PASK: variants seen among roughly 807,000 people sequenced by gnomAD.
The protein encoded by PASK is PAS domain containing serine/threonine kinase.
PASK carries 110 observed loss-of-function variants against 121.0 expected under a neutral mutation model. The observed-to-expected ratio is 0.91, with a 90% confidence interval of 0.78 to 1.06. PASK has a LOEUF of 1.06. PASK is among the 50% of genes least tolerant of loss of function. The pLI is 0.00. For synonymous variants in PASK, 686 were observed against 717.8 expected (o/e 0.96, Z 0.71); for missense variants, 1,643 against 1,702.3 (o/e 0.97, Z 0.61).
At position 241,140,768 on chromosome 2, in the gene PASK, G is replaced by T; in HGVS notation, c.197-15C>A. The T allele has an allele frequency of 6.4e-7, 1 of 1,558,202 alleles. No individual in the cohort carries two copies. Among genetic ancestry groups the T allele is most frequent in the Non-Finnish European group, 8.9e-7 (1 of 1,129,636 alleles). Reference sequence around the variant, plus strand: ...CCATCTGTCTTCTGAAAAGAGAAGCGAAGCGAAGCTTTAGACTTCACACAG... The same window carrying T: ...CCATCTGTCTTCTGAAAAGAGAAGCTAAGCGAAGCTTTAGACTTCACACAG... On this transcript the variant is annotated splice_polypyrimidine_tract_variant and intron_variant, in intron 2 of 17. Transcript: ENST00000234040.
intron 2 of PASK, 95 bp from the exon 3 acceptor site, chr2:241,140,848 CCTG>C (rs1342386091): frequency 5.1e-6 from 4 of 782,790 alleles, no homozygotes; most frequent in Non-Finnish European, 9.0e-6. Context: ...GCCCTCAACT[CCTG>C]CAAAAAGATC....
intron 9 of PASK, among the ~76,000 whole-genome samples, chr2:241,132,415 G>A (rs2125439491): frequency 6.6e-6 from 1 of 150,824 alleles, no homozygotes; most frequent in Non-Finnish European, 1.5e-5. Flanking sequence ...TACTCGGGAG[G>A]CTGAGGCAGG....
rs903209709 is a variant in PASK at position 241,108,583 on chromosome 2, G to C, written c.3534-283C>G. 17 of 488,180 alleles carry C rather than the reference G, an allele frequency of 3.5e-5. No individual in the cohort carries two copies. Among genetic ancestry groups the C allele is most frequent in the South Asian group, 6.0e-5 (3 of 49,954 alleles). The allele number at this position is 488,180 out of a possible 1,614,324, so 30.2% of individuals were successfully genotyped here. Reference sequence around the variant, plus strand: ...CAACCACAAGACGTGTCTACCAGAGGGGGGAGCGGGGGGAGGGCTTCCTGG... The same window carrying C: ...CAACCACAAGACGTGTCTACCAGAGCGGGGAGCGGGGGGAGGGCTTCCTGG... On this transcript the variant is annotated intron_variant, in intron 15 of 17. Coordinates refer to ENST00000234040, the MANE Select transcript of PASK (RefSeq NM_015148.4). The surrounding 1 kb of genome is among the most constrained non-coding windows in gnomAD (Gnocchi z 5.2).
chr2:241,119,135 AGGT>A (rs2065493265), intron 12 of PASK, among the ~76,000 whole-genome samples: 1 of 152,258 alleles, frequency 6.6e-6, no homozygotes, highest in African/African-American at 2.4e-5. Context: ...CAGCACCTCT[AGGT>A]GTCTGCCTGA....
chr2:241,113,728 T>C (rs2065206820), intron 14 of PASK: 2 of 985,376 alleles, frequency 2.0e-6, no homozygotes, highest in Admixed American at 1.2e-4. Context: ...CTGCTCTTCC[T>C]GCAGATGCTT....
intron 15 of PASK, among the ~76,000 whole-genome samples, chr2:241,110,776 G>A (rs2065077920): frequency 6.6e-6 from 1 of 152,220 alleles, no homozygotes; most frequent in Non-Finnish European, 1.5e-5. Context: ...GACAACCACT[G>A]CAGGGCAGGC....
intron 3 of PASK, 53 bp from the exon 4 acceptor site, chr2:241,140,108 A>G (rs2066634105): frequency 1.4e-6 from 2 of 1,462,826 alleles, no homozygotes; most frequent in South Asian, 2.3e-5. Context: ...CAGCTCCACC[A>G]GCTGCCCAGA....
At chr2:241,145,211 C>CCG (rs2066898787) in intron 1 of PASK, among the ~76,000 whole-genome samples, 2 of 152,238 alleles carry the variant, frequency 1.3e-5, no homozygotes, top group South Asian at 4.1e-4. Flanking sequence ...CCGCGCCCGG[C>CCG]CGACTTCTCC....
intron 9 of PASK, among the ~76,000 whole-genome samples, chr2:241,129,426 A>G (rs986526926): frequency 1.3e-5 from 2 of 152,198 alleles, no homozygotes; most frequent in African/African-American, 4.8e-5. Flanking sequence ...AGACCCCAGC[A>G]GGCTGGGGAG....
At chr2:241,145,167 C>G (rs574299334) in intron 1 of PASK, among the ~76,000 whole-genome samples, 1 of 152,208 alleles carries the variant, frequency 6.6e-6, no homozygotes, top group Non-Finnish European at 1.5e-5. Flanking sequence ...CCTGCTGCGG[C>G]CTCCCAAACT....
rs1348577299 is a variant in PASK at position 241,124,076 on chromosome 2, C to G, written c.2777G>C (p.Cys926Ser). The G allele has an allele frequency of 6.2e-7, 1 of 1,613,616 alleles. No homozygotes were observed. The highest frequency in any genetic ancestry group is 8.5e-7 in the Non-Finnish European group (1 of 1,179,952). ...ELQGPTPLFC[C>S]WLVKDLLHSQ... ...GTGGAGGAGGTCTTTCACCAGCCAG[C>G]AGCAGAACAGAGGTGTGGGGCCCTG... Residue 926 changes from cysteine to serine, a missense_variant, in exon 11 of 18, where the codon TGC (cysteine) becomes TCC (serine). By Grantham distance (112) the Cys-to-Ser change is moderately radical. Around this residue, in one of 3 missense-constraint regions of PASK, gnomAD observed 453 missense variants for 511.2 expected, o/e 0.89. Coordinates refer to ENST00000234040, the MANE Select transcript of PASK (RefSeq NM_015148.4).
At chr2:241,111,152 G>A (rs2065095382) in intron 15 of PASK, among the ~76,000 whole-genome samples, 1 of 152,216 alleles carries the variant, frequency 6.6e-6, no homozygotes, top group Non-Finnish European at 1.5e-5. Context: ...CCTCCCGAGA[G>A]CCCAAGGCAC....
rs780777762 is a variant in PASK, at chr2:241,137,150, G to C, written c.991C>G (p.Pro331Ala). Reference protein sequence around the residue: ...SEEATTGEAAPVSGYRASVWV... With the variant: ...SEEATTGEAAAVSGYRASVWV... Reference sequence around the variant, plus strand: ...ACAGATGCCCGGTAGCCGCTCACAGGGGCCGCCTCACCGGTGGTCGCCTCC... The same window carrying C: ...ACAGATGCCCGGTAGCCGCTCACAGCGGCCGCCTCACCGGTGGTCGCCTCC... The change falls in exon 7 of 18, where the codon CCT becomes GCT. Residue 331 changes from proline (P) to alanine (A), a missense_variant. Around this residue, in one of 3 missense-constraint regions of PASK, gnomAD observed 1,176 missense variants for 1,162.2 expected, o/e 1.01. Coordinates refer to ENST00000234040, the MANE Select transcript of PASK (RefSeq NM_015148.4). 2.5e-6 allele frequency: 4 copies of C among 1,613,746 alleles called. No individual in the cohort carries two copies. Among genetic ancestry groups the C allele is most frequent in the Non-Finnish European group, 3.4e-6 (4 of 1,179,880 alleles).
At chr2:241,132,546 A>G (rs1029077042) in intron 9 of PASK, among the ~76,000 whole-genome samples, 4 of 150,536 alleles carry the variant, frequency 2.7e-5, no homozygotes, top group Admixed American at 6.6e-5. Flanking sequence ...AAAAAAAAAA[A>G]AAAAAAAAGA....
intron 10 of PASK, among the ~76,000 whole-genome samples, chr2:241,125,858 G>A (rs565624012): frequency 1.6e-4 from 25 of 152,172 alleles, no homozygotes; most frequent in African/African-American, 4.1e-4. Flanking sequence ...AGACTCTAGC[G>A]TGACACCCCC....
At position 241,120,472 on chromosome 2, in the gene PASK, G is replaced by A. The variant is rs562980659; in HGVS notation, c.3072+2260C>T. 3.6e-4 allele frequency among the ~76,000 whole-genome samples: 50 copies of A among 138,420 alleles called. No individual in the cohort carries two copies. The South Asian group carries it at 0.011, about 30-fold the overall frequency. The allele number at this position is 138,420 out of a possible 152,430, so 90.8% of individuals were successfully genotyped here. A position where few individuals can be genotyped will look rare whatever the true frequency, so the allele number is the denominator to read the frequency against. Reference sequence around the variant, plus strand: ...TGTGCCACTGCACTCCAGCCTGGGCGACAAAGCAAGACTCTGTCTCAAAAG... The same window carrying A: ...TGTGCCACTGCACTCCAGCCTGGGCAACAAAGCAAGACTCTGTCTCAAAAG... On this transcript the variant is annotated intron_variant, in intron 12 of 17. Coordinates refer to ENST00000234040, the MANE Select transcript of PASK (RefSeq NM_015148.4).
Position 241,108,400 on chromosome 2 carries a change from G to C in PASK, c.3534-100C>G. ...ATGGCCCTTCCCGACCAGCACACAG[G>C]CCAGGCAGTGGTTTCCCAAGAGGAG... is the stretch of plus-strand genomic sequence containing the variant. On this transcript the variant is annotated intron_variant, in intron 15 of 17. Transcript: ENST00000234040. The surrounding 1 kb of genome is among the most constrained non-coding windows in gnomAD (Gnocchi z 5.2). The C allele has an allele frequency of 2.5e-6, 3 of 1,221,652 alleles. No homozygotes were observed. The highest frequency in any genetic ancestry group is 2.3e-4 in the Middle Eastern group (1 of 4,404). 75.7% of individuals were successfully genotyped at this position (1,221,652 alleles called of 1,614,324 possible).
At chr2:241,137,636 C>G (rs2066501802) in intron 6 of PASK, among the ~76,000 whole-genome samples, 1 of 152,132 alleles carries the variant, frequency 6.6e-6, no homozygotes, top group Non-Finnish European at 1.5e-5. Context: ...GATACTGGCC[C>G]CACAGGCAGC....
intron 7 of PASK, among the ~76,000 whole-genome samples, chr2:241,136,476 T>C (rs1443470021): frequency 1.3e-5 from 2 of 151,972 alleles, no homozygotes; most frequent in Non-Finnish European, 2.9e-5. Context: ...TCTGAACCTG[T>C]GTGTGGCCCC....
Sources: allele counts gnomAD v4.1 joint callset (sites outside exome capture counted in the v4.1 genomes callset), GRCh38; gene constraint gnomAD v4.1.1; regional missense constraint gnomAD v4.1.1; non-coding constraint Gnocchi (gnomAD v3.1); transcripts MANE v1.5; gene names NCBI Gene and HGNC (gene_info 2026-07-23, HGNC 2026-07-21).